Variants in ANOS1 observed in about 807,000 individuals in gnomAD.
The protein encoded by ANOS1 is anosmin-1.
ANOS1 carries 6 observed loss-of-function variants against 59.0 expected under a neutral mutation model. The ratio of observed to expected loss-of-function variants is 0.10; its 90% confidence interval spans 0.06 to 0.20. The LOEUF (loss-of-function observed/expected upper bound fraction) is 0.20. Among genes scored for constraint, ANOS1 ranks in the 10% least tolerant of loss-of-function variants. The pLI, the probability that ANOS1 is intolerant of heterozygous loss-of-function variation, is 1.00. For synonymous variants in ANOS1, 217 were observed against 223.4 expected, an observed-to-expected ratio of 0.97 and a Z score of 0.25; for missense variants, 433 against 542.3, an observed-to-expected ratio of 0.80 and a Z score of 2.00.
chrX:8,688,497 G>A lies in ANOS1; in HGVS notation c.255+11201C>T, dbSNP rs754921884. Among the ~76,000 whole-genome samples, 16 of 112,449 alleles carry A rather than the reference G, an allele frequency of 1.4e-4. No homozygotes were observed. The South Asian group carries it at 2.2e-3, about 16-fold the overall frequency. On this transcript the variant is annotated intron_variant, in intron 2 of 13. Coordinates refer to ENST00000262648, the MANE Select transcript of ANOS1 (RefSeq NM_000216.4). ...TTCTAAAGGCAGCTTTATGGAACTC[G>A]TCTTCAACTGTGAACCAAATAAGAG...
At chrX:8,619,548 A>G (rs372859480) in intron 3 of ANOS1, among the ~76,000 whole-genome samples, 5 of 111,480 alleles carry the variant, frequency 4.5e-5, no homozygotes, top group East Asian at 5.7e-4. Flanking sequence ...AGGTTGCAGT[A>G]AGCTGAGATT....
At chrX:8,543,441 T>C (rs1273703466) in intron 9 of ANOS1, among the ~76,000 whole-genome samples, 1 of 110,317 alleles carries the variant, frequency 9.1e-6, no homozygotes, top group Non-Finnish European at 1.9e-5. Context: ...TTCATAGATA[T>C]TTGCTTTGAT....
At chrX:8,726,955 C>T (rs1051510664) in intron 1 of ANOS1, among the ~76,000 whole-genome samples, 1 of 111,904 alleles carries the variant, frequency 8.9e-6, no homozygotes, top group African/African-American at 3.3e-5. Flanking sequence ...TTACAGGTGA[C>T]CCTATGAGGA....
At chrX:8,594,106 G>T (rs187993572) in intron 4 of ANOS1, among the ~76,000 whole-genome samples, 1 of 111,305 alleles carries the variant, frequency 9.0e-6, no homozygotes, top group African/African-American at 3.3e-5. Context: ...AATCACTTAG[G>T]CATAGCCTGC....
Position 8,732,068 on chromosome X carries a change from C to G in ANOS1, c.-32G>C. ...GGGTCGAGGGCGAGGGCGAGGGCGC[C>G]GGGCGCGGGCCGAGGCTCCCTGCTC... On this transcript the variant is annotated 5_prime_UTR_variant, in exon 1 of 14. Transcript: ENST00000262648. The G allele has an allele frequency of 1.1e-6, 1 of 903,429 alleles. No homozygotes were observed. The highest frequency in any genetic ancestry group is 1.4e-6 in the Non-Finnish European group (1 of 729,351). 74.5% of individuals were successfully genotyped at this position (903,429 alleles called of 1,213,427 possible). A position where few individuals can be genotyped will look rare whatever the true frequency, so the allele number is the denominator to read the frequency against.
chrX:8,610,283 G>A (rs945874556), intron 3 of ANOS1, among the ~76,000 whole-genome samples: 11 of 111,074 alleles, frequency 9.9e-5, no homozygotes, highest in Non-Finnish European at 1.9e-4. Flanking sequence ...ATGTAACCAC[G>A]TTATTCAGAC....
intron 4 of ANOS1, among the ~76,000 whole-genome samples, chrX:8,589,812 G>A (rs1416269409): frequency 1.8e-5 from 2 of 112,240 alleles, no homozygotes; most frequent in African/African-American, 6.5e-5. Flanking sequence ...CCACCTGCCT[G>A]CTGAATTTCT....
At chrX:8,615,652 C>T (rs1204877536) in intron 3 of ANOS1, among the ~76,000 whole-genome samples, 1 of 111,561 alleles carries the variant, frequency 9.0e-6, no homozygotes, top group Non-Finnish European at 1.9e-5. Context: ...ACCCTGATTC[C>T]TGTTGCACTG....
In ANOS1 at chrX:8,530,593, A is replaced by G. The variant is rs1929481770; in HGVS notation, c.*2402T>C. ...TTATTTATATTAAAATTAGAAGCCC[A>G]TAAGAGCTGCTTTAGATTTTTTTAA... is the stretch of plus-strand genomic sequence containing the variant. On this transcript the variant is annotated 3_prime_UTR_variant, in exon 14 of 14. Coordinates refer to ENST00000262648, the MANE Select transcript of ANOS1 (RefSeq NM_000216.4). 9.0e-6 allele frequency: 1 copy of G among 110,604 alleles called. No homozygotes were observed. Among genetic ancestry groups the G allele is most frequent in the Non-Finnish European group, 1.9e-5 (1 of 52,859 alleles). 9.1% of individuals were successfully genotyped at this position (110,604 alleles called of 1,213,427 possible).
chrX:8,554,562 T>TGTTG (rs1305589334), intron 8 of ANOS1, among the ~76,000 whole-genome samples: 1 of 99,142 alleles, frequency 1.0e-5, no homozygotes, highest in African/African-American at 3.7e-5. Context: ...TTTTTTTTTT[T>TGTTG]TTTTTTTTGT....
chrX:8,682,087 C>G (rs1932433807), intron 2 of ANOS1, among the ~76,000 whole-genome samples: 1 of 110,881 alleles, frequency 9.0e-6, no homozygotes, highest in Non-Finnish European at 1.9e-5. Flanking sequence ...AGCACGGGGT[C>G]AGGCACATGG....
chrX:8,670,472 C>T (rs940978375), intron 2 of ANOS1, among the ~76,000 whole-genome samples: 13 of 110,809 alleles, frequency 1.2e-4, no homozygotes, highest in African/African-American at 3.3e-4. Flanking sequence ...GCCTTCTCAC[C>T]GAGGCCAACA....
rs753721841 is a variant in ANOS1, at chrX:8,535,636, G to C, written c.1797C>G (p.Asn599Lys). 6 of 1,210,771 alleles carry C rather than the reference G, an allele frequency of 5.0e-6. No individual in the cohort carries two copies. The highest frequency in any genetic ancestry group is 6.7e-6 in the Non-Finnish European group (6 of 894,408). The change falls in exon 12 of 14, where the codon AAC (asparagine) becomes AAG (lysine). Residue 599 changes from asparagine to lysine, a missense_variant. Physicochemically the swap from Asn to Lys is moderately conservative, Grantham distance 94. Transcript: ENST00000262648. Reference protein sequence around the residue: ...WAEVTTESRQNSLPNSIISQS... With the variant: ...WAEVTTESRQKSLPNSIISQS... ...GTGAAATAATGCTGTTGGGTAGGCT[G>C]TTCTGTCTGCTTTCCGTAGTGACCT...
At chrX:8,550,363 T>C (rs992477310) in intron 9 of ANOS1, among the ~76,000 whole-genome samples, 1 of 111,805 alleles carries the variant, frequency 8.9e-6, no homozygotes, top group African/African-American at 3.2e-5. Context: ...CTGAATACAG[T>C]GGCATACCAT....
chrX:8,600,787 T>C (rs1440833467), intron 3 of ANOS1, among the ~76,000 whole-genome samples: 1 of 112,548 alleles, frequency 8.9e-6, no homozygotes, highest in Non-Finnish European at 1.9e-5. Flanking sequence ...ATGTAGTATT[T>C]GCCAACTTTC....
At chrX:8,552,928 T>A (rs1435013808) in intron 9 of ANOS1, among the ~76,000 whole-genome samples, 1 of 109,397 alleles carries the variant, frequency 9.1e-6, no homozygotes, top group Non-Finnish European at 1.9e-5. Context: ...TTAATAATAA[T>A]ATTATTTTAC....
At chrX:8,656,578 C>T (rs190295794) in intron 2 of ANOS1, among the ~76,000 whole-genome samples, 1 of 111,514 alleles carries the variant, frequency 9.0e-6, no homozygotes, top group Non-Finnish European at 1.9e-5. Context: ...AGCTTTTCTA[C>T]TGAAGTTATT....
At chrX:8,727,012 T>C (rs1053557236) in intron 1 of ANOS1, among the ~76,000 whole-genome samples, 1 of 112,404 alleles carries the variant, frequency 8.9e-6, no homozygotes, top group Non-Finnish European at 1.9e-5. Flanking sequence ...GGCTGAATCT[T>C]TGACATACAA....
chrX:8,618,554 C>T (rs752766536), intron 3 of ANOS1, among the ~76,000 whole-genome samples: 16 of 111,761 alleles, frequency 1.4e-4, no homozygotes, highest in African/African-American at 2.6e-4. Context: ...GCATCAGAAA[C>T]GTCAAAATCA....
Sources: gnomAD v4.1 joint callset for allele counts (sites outside exome capture counted in the v4.1 genomes callset) on GRCh38, gnomAD v4.1.1 for gene constraint, MANE v1.5 for transcripts, NCBI Gene and HGNC (gene_info 2026-07-23, HGNC 2026-07-21) for gene names.